Variants in PIN4 observed in about 807,000 individuals in gnomAD.
PIN4 encodes the protein peptidylprolyl cis/trans isomerase, NIMA-interacting 4.
A neutral mutation model predicts 8.3 loss-of-function variants in PIN4; 3 were observed. That is an observed-to-expected ratio of 0.36 (90% CI 0.16 to 0.93). The LOEUF (loss-of-function observed/expected upper bound fraction) is 0.93, where lower values mean the gene tolerates loss of function less well. Among genes scored for constraint, PIN4 ranks in the 40% least tolerant of loss-of-function variants. The pLI is 0.44. For synonymous variants in PIN4, 18 were observed against 32.5 expected (o/e 0.55, Z 1.52); for missense variants, 75 against 100.6 (o/e 0.75, Z 1.09).
intron 3 of PIN4, among the ~76,000 whole-genome samples, chrX:72,230,402 A>G (rs2042976969): frequency 9.1e-6 from 1 of 110,402 alleles, no homozygotes; most frequent in South Asian, 3.9e-4. Context: ...CAACCCTGCC[A>G]TAAAACCTCT....
At chrX:72,211,569 G>A (rs188107899) in intron 3 of PIN4, among the ~76,000 whole-genome samples, 69 of 111,488 alleles carry the variant, frequency 6.2e-4, no homozygotes, top group African/African-American at 1.9e-3. Flanking sequence ...TACAATTCAA[G>A]ATGAGATTGA....
intron 1 of PIN4, among the ~76,000 whole-genome samples, chrX:72,183,046 C>T (rs1244775079): frequency 9.0e-6 from 1 of 111,485 alleles, no homozygotes; most frequent in African/African-American, 3.3e-5. Flanking sequence ...AGAAAAGATT[C>T]TGTAAATATT....
intron 3 of PIN4, chrX:72,205,943 G>T: frequency 8.3e-7 from 1 of 1,211,226 alleles, no homozygotes; most frequent in Non-Finnish European, 1.1e-6. Flanking sequence ...GATGCTGAAG[G>T]TTCCTCTTCC....
chrX:72,226,856 C>A (rs761239148), intron 3 of PIN4, among the ~76,000 whole-genome samples: 34 of 111,937 alleles, frequency 3.0e-4, no homozygotes, highest in African/African-American at 9.7e-4. Flanking sequence ...CCTGAAGAAA[C>A]TGCTCTTTTA....
intron 3 of PIN4, among the ~76,000 whole-genome samples, chrX:72,215,139 C>T (rs1365545602): frequency 8.9e-6 from 1 of 112,091 alleles, no homozygotes; most frequent in Non-Finnish European, 1.9e-5. Context: ...AAAAGAGTAG[C>T]AACAGTGTGA....
chrX:72,194,184 G>C (rs777640581), intron 2 of PIN4, among the ~76,000 whole-genome samples: 1 of 111,096 alleles, frequency 9.0e-6, no homozygotes, highest in East Asian at 2.8e-4. Flanking sequence ...TGGATCACTT[G>C]AGGTCAGGAG....
At chrX:72,246,750 T>G (rs762775306) in intron 3 of PIN4, among the ~76,000 whole-genome samples, 41 of 111,935 alleles carry the variant, frequency 3.7e-4, no homozygotes, top group South Asian at 7.5e-4. Context: ...TTCACTCCTC[T>G]TGTCTCAGTG....
intron 1 of PIN4, 93 bp downstream of exon 1, chrX:72,181,921 A>G: frequency 5.2e-6 from 3 of 581,420 alleles, no homozygotes; most frequent in Non-Finnish European, 5.9e-6. Context: ...GGACGGACGC[A>G]GCAGGTAGCC....
At chrX:72,206,374 G>T (rs1454242938) in intron 3 of PIN4, 1 of 1,208,025 alleles carries the variant, frequency 8.3e-7, no homozygotes, top group Non-Finnish European at 1.1e-6. Context: ...ATCTTGCAAG[G>T]TGGTAACATT....
chrX:72,251,972 G>A (rs1482743876), intron 3 of PIN4, among the ~76,000 whole-genome samples: 2 of 111,040 alleles, frequency 1.8e-5, no homozygotes, highest in African/African-American at 3.3e-5. Context: ...AAAAACAAAC[G>A]AACATTTATT....
intron 3 of PIN4, among the ~76,000 whole-genome samples, chrX:72,224,059 T>C (rs1396856244): frequency 1.8e-5 from 2 of 110,989 alleles, no homozygotes; most frequent in African/African-American, 6.6e-5. Flanking sequence ...AGACTGAGGG[T>C]GCCTGGAATC....
chrX:72,257,832 G>A (rs917263692), intron 3 of PIN4, among the ~76,000 whole-genome samples: 2 of 111,717 alleles, frequency 1.8e-5, no homozygotes, highest in African/African-American at 3.3e-5. Context: ...ACACAGGGCT[G>A]TTGTGAAGAT....
chrX:72,224,219 T>C (rs1259222558), intron 3 of PIN4, among the ~76,000 whole-genome samples: 1 of 111,497 alleles, frequency 9.0e-6, no homozygotes, highest in Admixed American at 9.5e-5. Flanking sequence ...TTTTCTGTTG[T>C]TGGCATGAAG....
At chrX:72,184,459 A>G (rs1465167185) in intron 1 of PIN4, among the ~76,000 whole-genome samples, 3 of 35,607 alleles carry the variant, frequency 8.4e-5, no homozygotes, top group African/African-American at 1.2e-4. Flanking sequence ...CATTCGGGAA[A>G]GAGACCTAGA....
intron 2 of PIN4, among the ~76,000 whole-genome samples, chrX:72,191,085 G>A (rs911610702): frequency 1.1e-4 from 12 of 109,535 alleles, no homozygotes; most frequent in Non-Finnish European, 2.1e-4. Flanking sequence ...ATCCTTTACC[G>A]CCCACCTGTA....
intron 3 of PIN4, chrX:72,207,766 T>C: frequency 8.3e-7 from 1 of 1,211,408 alleles, no homozygotes; most frequent in Non-Finnish European, 1.1e-6. Flanking sequence ...CTTTTTCTTC[T>C]GTACGTCTTC....
chrX:72,251,412 T>C (rs1045325259), intron 3 of PIN4, among the ~76,000 whole-genome samples: 2 of 107,659 alleles, frequency 1.9e-5, no homozygotes, highest in African/African-American at 6.9e-5. Context: ...TTTCCTAAAA[T>C]TGGAATTGTT....
At chrX:72,184,087 A>G (rs2042686611) in intron 1 of PIN4, among the ~76,000 whole-genome samples, 2 of 112,565 alleles carry the variant, frequency 1.8e-5, no homozygotes, top group African/African-American at 6.5e-5. Context: ...AATTGGCACA[A>G]TATAGGATTG....
At chrX:72,223,008 A>G (rs1241027985) in intron 3 of PIN4, among the ~76,000 whole-genome samples, 1 of 107,897 alleles carries the variant, frequency 9.3e-6, no homozygotes, top group Non-Finnish European at 1.9e-5. Context: ...TTATTTCCCA[A>G]TCTGCCCCAG....
Sources: allele counts gnomAD v4.1 joint callset (sites outside exome capture counted in the v4.1 genomes callset), GRCh38; gene constraint gnomAD v4.1.1; transcripts MANE v1.5; gene names NCBI Gene and HGNC (gene_info 2026-07-23, HGNC 2026-07-21).